Variants in BRIP1 observed in about 807,000 individuals in gnomAD.
BRIP1 encodes BRCA1 interacting DNA helicase 1.
Under a neutral mutation model 119.7 loss-of-function variants are expected in BRIP1, and 88 were observed. The observed-to-expected ratio is 0.74, with a 90% CI of 0.62 to 0.88. The LOEUF is 0.88. BRIP1 is among the 40% of genes least tolerant of loss of function. The probability of loss-of-function intolerance (pLI) is 0.00; values close to 1 mark genes in which losing one functional copy is unlikely to be tolerated. For missense variants in BRIP1, 1,259 were observed against 1,455.4 expected, an observed-to-expected ratio of 0.87 and a Z score of 2.20; for synonymous variants, 443 against 496.5, an observed-to-expected ratio of 0.89 and a Z score of 1.43.
intron 16 of BRIP1, among the ~76,000 whole-genome samples, chr17:61,723,121 A>G (rs2062009492): frequency 6.6e-6 from 1 of 152,230 alleles, no homozygotes; most frequent in Non-Finnish European, 1.5e-5. Flanking sequence ...AAGTGAGTAC[A>G]CCTCATTTTA....
intron 16 of BRIP1, among the ~76,000 whole-genome samples, chr17:61,731,981 CTTTTTTTTTTTTTT>C (rs71299809): frequency 1.2e-5 from 1 of 83,008 alleles, no homozygotes; most frequent in African/African-American, 5.3e-5. Context: ...TTCTTTCTTT[CTTTTTTTTTTTTTT>C]TTTTTTTTGA....
chr17:61,689,205 G>T lies in BRIP1; in HGVS notation c.2576-3040C>A, dbSNP rs528038124. On this transcript the variant is annotated intron_variant, in intron 18 of 19. Coordinates refer to ENST00000259008, the MANE Select transcript of BRIP1 (RefSeq NM_032043.3). The surrounding 1 kb of genome is among the most constrained non-coding windows in gnomAD (Gnocchi z 4.5). ...ACTACAGGCATGTACCACCACACCCGGCTAATTGTCGTATTTTTAGTAGAG... is the reference window on the plus strand; with the variant it reads ...ACTACAGGCATGTACCACCACACCCTGCTAATTGTCGTATTTTTAGTAGAG... 1.3e-5 allele frequency among the ~76,000 whole-genome samples: 2 copies of T among 151,864 alleles called. No individual in the cohort carries two copies. Among genetic ancestry groups the T allele is most frequent in the African/African-American group, 4.8e-5 (2 of 41,378 alleles).
chr17:61,787,637 TTTTTA>T (rs1443150488), intron 10 of BRIP1, among the ~76,000 whole-genome samples: 1 of 151,484 alleles, frequency 6.6e-6, no homozygotes, highest in African/African-American at 2.4e-5. Context: ...CTTTTTCTTT[TTTTTA>T]TTTTATTTTA....
rs1486499813 is a variant in BRIP1 at position 61,724,636 on chromosome 17, A to G, written c.2380-8573T>C. On this transcript the variant is annotated intron_variant, in intron 16 of 19. Transcript: ENST00000259008. The surrounding 1 kb of genome is among the most constrained non-coding windows in gnomAD (Gnocchi z 5.1). ...ATTTTATCCCAACTCATACCAATACATATTATGATTTCAGTAATAAATGCC... is the reference window on the plus strand; with the variant it reads ...ATTTTATCCCAACTCATACCAATACGTATTATGATTTCAGTAATAAATGCC... Among the ~76,000 whole-genome samples the G allele has an allele frequency of 6.6e-6, 1 of 152,196 alleles. No homozygotes were observed. Among genetic ancestry groups the G allele is most frequent in the Non-Finnish European group, 1.5e-5 (1 of 68,012 alleles).
At chr17:61,728,004 T>C (rs2076792098) in intron 16 of BRIP1, among the ~76,000 whole-genome samples, 1 of 151,876 alleles carries the variant, frequency 6.6e-6, no homozygotes, top group Non-Finnish European at 1.5e-5. Flanking sequence ...AATTTTTGTA[T>C]TTTTAGTAGA....
intron 18 of BRIP1, among the ~76,000 whole-genome samples, chr17:61,692,597 A>G (rs1335157662): frequency 1.3e-5 from 2 of 152,206 alleles, no homozygotes; most frequent in African/African-American, 2.4e-5. Flanking sequence ...GCCAACAGGT[A>G]TAGAAAAGAT....
At chr17:61,694,391 A>G (rs1183267801) in intron 17 of BRIP1, among the ~76,000 whole-genome samples, 7 of 152,118 alleles carry the variant, frequency 4.6e-5, no homozygotes, top group Non-Finnish European at 1.0e-4. Flanking sequence ...GATGTTTTCA[A>G]GATTCACTCA....
chr17:61,762,028 T>C lies in BRIP1; in HGVS notation c.2097+14373A>G, dbSNP rs1395910311. Among the ~76,000 whole-genome samples the C allele has an allele frequency of 6.6e-6, 1 of 151,852 alleles. No individual in the cohort carries two copies. Among genetic ancestry groups the C allele is most frequent in the East Asian group, 1.9e-4 (1 of 5,188 alleles). On this transcript the variant is annotated intron_variant, in intron 14 of 19. Transcript: ENST00000259008. This position sits in a 1 kb window ranked among gnomAD's most constrained non-coding sequence, Gnocchi z 4.3. The stretch of plus-strand genomic sequence containing the variant: ...AAACCACACTGCAAAGCTATAGTAA[T>C]TAAAACAGCATGGTATTGGCATAAA...
In BRIP1 at chr17:61,708,205, G is replaced by A. The variant is rs2061722522; in HGVS notation, c.2492+7746C>T. On this transcript the variant is annotated intron_variant, in intron 17 of 19. Coordinates refer to ENST00000259008, the MANE Select transcript of BRIP1 (RefSeq NM_032043.3). This position sits in a 1 kb window ranked among gnomAD's most constrained non-coding sequence, Gnocchi z 4.4. ...AGCCACAATCTTGCCTATGGTCAAA[G>A]TTACTCACGGTCAAATGTAGTCCAA... is the stretch of plus-strand genomic sequence containing the variant. Among the ~76,000 whole-genome samples, 1 of 152,184 alleles carries A rather than the reference G, an allele frequency of 6.6e-6. No homozygotes were observed.
At chr17:61,782,107 C>A (rs1398395411) in intron 11 of BRIP1, among the ~76,000 whole-genome samples, 1 of 151,688 alleles carries the variant, frequency 6.6e-6, no homozygotes, top group African/African-American at 2.4e-5. Flanking sequence ...AAGGGGAGAC[C>A]GGGTGCGATG....
At chr17:61,783,035 A>G (rs113708131) in intron 11 of BRIP1, among the ~76,000 whole-genome samples, 3 of 152,338 alleles carry the variant, frequency 2.0e-5, no homozygotes, top group African/African-American at 7.2e-5. Flanking sequence ...CTGCAATTCC[A>G]CTGCTAGGTA....
chr17:61,793,701 C>T lies in BRIP1; in HGVS notation c.1369G>A (p.Val457Ile), dbSNP rs748221377. The T allele has an allele frequency of 6.2e-7, 1 of 1,610,654 alleles. No individual in the cohort carries two copies. The highest frequency in any genetic ancestry group is 8.5e-7 in the Non-Finnish European group (1 of 1,178,476). The change falls in exon 10 of 20, where the codon GTA becomes ATA. Residue 457 changes from valine to isoleucine, a missense_variant. Physicochemically the swap from Val to Ile is conservative, Grantham distance 29. Around this residue, in one of 3 missense-constraint regions of BRIP1, gnomAD observed 501 missense variants for 544.0 expected, o/e 0.92. Coordinates refer to ENST00000259008, the MANE Select transcript of BRIP1 (RefSeq NM_032043.3). The surrounding 1 kb of genome is among the most constrained non-coding windows in gnomAD (Gnocchi z 5.2). ...NWLEANAEYL[V>I]ERDYESACKI... ...CAAGCTGATTCATAATCTCTTTCTA[C>T]AAGATATTCAGCGTTTGCTTCTAAC... is the stretch of plus-strand genomic sequence containing the variant.
rs2078399045 is a variant in BRIP1 at position 61,825,827 on chromosome 17, C to G, written c.628-17070G>C. 6.6e-6 allele frequency among the ~76,000 whole-genome samples: 1 copy of G among 151,866 alleles called. No homozygotes were observed. The highest frequency in any genetic ancestry group is 2.4e-5 in the African/African-American group (1 of 41,382). ...AGTATCATTAAAAAGGTCATACTGC[C>G]CAAAGCAATTTACAGATTCAATGCT... On this transcript the variant is annotated intron_variant, in intron 6 of 19. Transcript: ENST00000259008. This position sits in a 1 kb window ranked among gnomAD's most constrained non-coding sequence, Gnocchi z 4.1.
chr17:61,826,851 T>C (rs1444438316), intron 6 of BRIP1, among the ~76,000 whole-genome samples: 1 of 150,576 alleles, frequency 6.6e-6, no homozygotes, highest in Non-Finnish European at 1.5e-5. Context: ...TGGAAGACAG[T>C]AGACAGTGTG....
At chr17:61,764,075 A>G (rs1353996875) in intron 14 of BRIP1, among the ~76,000 whole-genome samples, 2 of 152,216 alleles carry the variant, frequency 1.3e-5, no homozygotes, top group African/African-American at 2.4e-5. Context: ...TCCTCTGCCC[A>G]AGAAAGGCAA....
At chr17:61,783,482 A>G (rs951559650) in intron 11 of BRIP1, among the ~76,000 whole-genome samples, 2 of 152,194 alleles carry the variant, frequency 1.3e-5, no homozygotes, top group Non-Finnish European at 2.9e-5. Context: ...AAATGAGTAC[A>G]ATGTACAACA....
rs1171901775 is a variant in BRIP1 at position 61,762,744 on chromosome 17, G to A, written c.2097+13657C>T. On this transcript the variant is annotated intron_variant, in intron 14 of 19. Transcript: ENST00000259008. This position sits in a 1 kb window ranked among gnomAD's most constrained non-coding sequence, Gnocchi z 4.3. ...ATAACAAAGTGTTGGTGAGGATGTG[G>A]AGAAAAGGGAAGCCTTGGACACTGT... Among the ~76,000 whole-genome samples the A allele has an allele frequency of 6.6e-6, 1 of 152,136 alleles. No homozygotes were observed. Among genetic ancestry groups the A allele is most frequent in the Non-Finnish European group, 1.5e-5 (1 of 68,004 alleles).
At position 61,788,836 on chromosome 17, in the gene BRIP1, G is replaced by A. The variant is rs562617347; in HGVS notation, c.1474-4412C>T. 3.3e-5 allele frequency among the ~76,000 whole-genome samples: 5 copies of A among 152,190 alleles called. No homozygotes were observed. In the South Asian group the frequency reaches 1.0e-3, roughly 32 times the overall value. On this transcript the variant is annotated intron_variant, in intron 10 of 19. Transcript: ENST00000259008. The stretch of plus-strand genomic sequence containing the variant: ...AGCCAGGCACGGGTGGCTCATGCTT[G>A]TAATCCTAGCACTTTGAAAGACCGA...
chr17:61,733,058 C>T (rs759656880), intron 16 of BRIP1, among the ~76,000 whole-genome samples: 7 of 152,178 alleles, frequency 4.6e-5, no homozygotes, highest in Non-Finnish European at 1.0e-4. Flanking sequence ...TCAAAAGGAA[C>T]AGATGAATCT....
Sources: gnomAD v4.1 joint callset for allele counts (sites outside exome capture counted in the v4.1 genomes callset) on GRCh38, gnomAD v4.1.1 for gene constraint, gnomAD v4.1.1 regional missense constraint, Gnocchi (gnomAD v3.1) non-coding constraint, MANE v1.5 for transcripts, NCBI Gene and HGNC (gene_info 2026-07-23, HGNC 2026-07-21) for gene names.